Variants in AGBL1 observed in about 807,000 individuals in gnomAD.
AGBL1 encodes AGBL carboxypeptidase 1.
AGBL1 carries 130 observed loss-of-function variants against 118.9 expected under a neutral mutation model. That is an observed-to-expected ratio of 1.09 (90% confidence interval 0.95 to 1.26). AGBL1 has a LOEUF of 1.26. AGBL1 is among the 50% of genes most tolerant of loss of function. The pLI, the probability that AGBL1 is intolerant of heterozygous loss-of-function variation, is 0.00. For synonymous variants in AGBL1, 555 were observed against 478.9 expected, an observed-to-expected ratio of 1.16 and a Z score of -2.08; for missense variants, 1,584 against 1,298.1, an observed-to-expected ratio of 1.22 and a Z score of -3.38.
chr15:86,560,428 TG>T (rs2083800496), intron 21 of AGBL1, among the ~76,000 whole-genome samples: 1 of 152,120 alleles, frequency 6.6e-6, no homozygotes, highest in African/African-American at 2.4e-5. Context: ...CTGAGAATGA[TG>T]GTTTCCAGCT....
intron 22 of AGBL1, among the ~76,000 whole-genome samples, chr15:86,902,746 A>G (rs977448263): frequency 5.9e-5 from 9 of 151,988 alleles, no homozygotes; most frequent in East Asian, 5.8e-4. Flanking sequence ...TCTGGCCTCT[A>G]TGGTTTCTGA....
chr15:86,579,705 C>T (rs1320794506), intron 21 of AGBL1, among the ~76,000 whole-genome samples: 1 of 152,152 alleles, frequency 6.6e-6, no homozygotes, highest in African/African-American at 2.4e-5. Flanking sequence ...TGTCTTTTAA[C>T]ATGTGAATGT....
intron 11 of AGBL1, 33 bp from the exon 12 acceptor site, chr15:86,266,341 G>T (rs745534949): frequency 6.6e-7 from 1 of 1,519,834 alleles, no homozygotes; most frequent in Non-Finnish European, 8.9e-7. Context: ...AGAGAAGGCC[G>T]ACCCTTAAAA....
intron 3 of AGBL1, among the ~76,000 whole-genome samples, chr15:86,152,276 A>G (rs1276960093): frequency 1.3e-5 from 2 of 152,236 alleles, no homozygotes. Context: ...CTATATTACA[A>G]GGCTACAGTA....
chr15:86,415,974 C>CT (rs1389728805), intron 18 of AGBL1, among the ~76,000 whole-genome samples: 3 of 152,040 alleles, frequency 2.0e-5, no homozygotes, highest in African/African-American at 4.8e-5. Flanking sequence ...TTTCACATGA[C>CT]TTTTTTTTCA....
intron 23 of AGBL1, chr15:86,932,865 T>G (rs1386133542): frequency 1.3e-5 from 2 of 152,198 alleles, no homozygotes; most frequent in Non-Finnish European, 2.9e-5. Flanking sequence ...ATGTTTTAAG[T>G]GCTTGAAAAA....
chr15:86,562,395 G>C (rs1054675065), intron 21 of AGBL1, among the ~76,000 whole-genome samples: 1 of 152,196 alleles, frequency 6.6e-6, no homozygotes, highest in African/African-American at 2.4e-5. Context: ...CATCTATTGA[G>C]ATAATCCTGT....
At chr15:86,436,226 G>A (rs1481604166) in intron 18 of AGBL1, among the ~76,000 whole-genome samples, 1 of 151,050 alleles carries the variant, frequency 6.6e-6, no homozygotes, top group Admixed American at 6.6e-5. Context: ...TAGCATCCCA[G>A]TGAGGGCTAA....
At chr15:86,172,538 C>T (rs915085801) in intron 5 of AGBL1, among the ~76,000 whole-genome samples, 1 of 152,164 alleles carries the variant, frequency 6.6e-6, no homozygotes. Context: ...AACTATCATT[C>T]GACTTTCATC....
At chr15:87,016,657 T>C (rs1433441) in intron 24 of AGBL1, among the ~76,000 whole-genome samples, 15,686 of 152,162 alleles carry the variant, frequency 0.1, 1,622 homozygotes, top group African/African-American at 0.27. Flanking sequence ...CACATTGGGA[T>C]TGACTAGGCA....
chr15:86,708,588 A>G (rs2086496162), intron 22 of AGBL1, among the ~76,000 whole-genome samples: 1 of 152,162 alleles, frequency 6.6e-6, no homozygotes. Flanking sequence ...AATTAGAGCT[A>G]TGTATATATT....
intron 18 of AGBL1, among the ~76,000 whole-genome samples, chr15:86,452,130 C>G (rs1328610631): frequency 6.6e-6 from 1 of 152,138 alleles, no homozygotes; most frequent in African/African-American, 2.4e-5. Flanking sequence ...ATAATCTGAG[C>G]ATAATCTCTA....
chr15:86,215,659 T>C (rs1291277666), intron 5 of AGBL1, among the ~76,000 whole-genome samples: 1 of 152,196 alleles, frequency 6.6e-6, no homozygotes, highest in African/African-American at 2.4e-5. Flanking sequence ...GTTACCTTTC[T>C]TAGTCTCTTC....
chr15:86,892,798 GT>G (rs1220672931), intron 22 of AGBL1, among the ~76,000 whole-genome samples: 1 of 152,124 alleles, frequency 6.6e-6, no homozygotes, highest in East Asian at 1.9e-4. Context: ...TCTTAAATGT[GT>G]TAACTCAGGG....
intron 18 of AGBL1, among the ~76,000 whole-genome samples, chr15:86,400,313 A>G (rs927725837): frequency 6.6e-5 from 10 of 151,996 alleles, no homozygotes; most frequent in African/African-American, 2.4e-4. Context: ...GAATTTTCCC[A>G]TGTGAAGTTC....
At chr15:86,252,486 A>C (rs17143) in intron 7 of AGBL1, among the ~76,000 whole-genome samples, 30,211 of 152,158 alleles carry the variant, frequency 0.2, 3,473 homozygotes, top group Non-Finnish European at 0.25. Flanking sequence ...TGAAGGTGAT[A>C]GAGGACTCAT....
chr15:86,701,646 TCC>T (rs2086360312), intron 22 of AGBL1, among the ~76,000 whole-genome samples: 1 of 126,810 alleles, frequency 7.9e-6, no homozygotes, highest in African/African-American at 3.0e-5. Context: ...TCTCCTCCCC[TCC>T]CCTCCCCTCT....
At chr15:86,196,244 T>G (rs962527213) in intron 5 of AGBL1, among the ~76,000 whole-genome samples, 1 of 152,204 alleles carries the variant, frequency 6.6e-6, no homozygotes, top group Admixed American at 6.5e-5. Context: ...AGATGTAGGA[T>G]GGACGTCAGG....
At chr15:86,930,125 C>T (rs762036242) in intron 23 of AGBL1, among the ~76,000 whole-genome samples, 16 of 152,094 alleles carry the variant, frequency 1.1e-4, no homozygotes, top group Non-Finnish European at 1.9e-4. Flanking sequence ...TGAATATTAT[C>T]GTCAATGGCT....
Sources: gnomAD v4.1 joint callset for allele counts (sites outside exome capture counted in the v4.1 genomes callset) on GRCh38, gnomAD v4.1.1 for gene constraint, MANE v1.5 for transcripts, NCBI Gene and HGNC (gene_info 2026-07-23, HGNC 2026-07-21) for gene names.